Variants in TBC1D5 observed in about 807,000 individuals in gnomAD.
TBC1D5 encodes TBC1 domain family, member 5.
Under a neutral mutation model 100.3 loss-of-function variants are expected in TBC1D5, and 75 were observed. That is an observed-to-expected ratio of 0.75 (90% CI 0.62 to 0.91). The LOEUF (loss-of-function observed/expected upper bound fraction) is 0.91, where lower values mean the gene tolerates loss of function less well. Ranked by LOEUF, TBC1D5 falls within the 40% of genes least tolerant of loss-of-function variation. The pLI is 0.00. For missense variants in TBC1D5, 910 were observed against 942.4 expected, an observed-to-expected ratio of 0.97 and a Z score of 0.45; for synonymous variants, 323 against 325.6, an observed-to-expected ratio of 0.99 and a Z score of 0.09.
intron 3 of TBC1D5, among the ~76,000 whole-genome samples, chr3:17,485,838 G>A (rs956956741): frequency 7.9e-5 from 12 of 151,998 alleles, no homozygotes; most frequent in East Asian, 1.9e-4. Context: ...ATGATTTATA[G>A]TCCTTTGGGT....
At chr3:17,258,507 G>A (rs774863026) in exon 16 of TBC1D5, 13 of 1,609,814 alleles carry the variant, frequency 8.1e-6, no homozygotes, top group Middle Eastern at 1.7e-4. Context: ...GGGACTTACC[G>A]GCTTTTATTC....
At chr3:17,572,304 T>TAAA (rs1018210266) in intron 2 of TBC1D5, among the ~76,000 whole-genome samples, 1 of 142,794 alleles carries the variant, frequency 7.0e-6, no homozygotes, top group African/African-American at 2.6e-5. Flanking sequence ...CATTCTCAGT[T>TAAA]AAAAAAAAAA....
intron 3 of TBC1D5, among the ~76,000 whole-genome samples, chr3:17,496,942 G>A (rs2095714765): frequency 6.6e-6 from 1 of 152,016 alleles, no homozygotes; most frequent in Non-Finnish European, 1.5e-5. Flanking sequence ...GTCCCATCCT[G>A]TGTCATTCCC....
intron 1 of TBC1D5, among the ~76,000 whole-genome samples, chr3:17,638,878 A>G (rs553077849): frequency 2.6e-5 from 4 of 152,284 alleles, no homozygotes; most frequent in African/African-American, 9.6e-5. Flanking sequence ...AATACTGACA[A>G]GGATGTAAAA....
intron 3 of TBC1D5, among the ~76,000 whole-genome samples, chr3:17,506,780 A>C (rs2095848795): frequency 6.6e-6 from 1 of 152,116 alleles, no homozygotes; most frequent in African/African-American, 2.4e-5. Flanking sequence ...AAAAAAAAAA[A>C]CCTCAGTATT....
At chr3:17,693,870 A>T (rs984676773) in intron 1 of TBC1D5, among the ~76,000 whole-genome samples, 1 of 152,126 alleles carries the variant, frequency 6.6e-6, no homozygotes, top group Non-Finnish European at 1.5e-5. Context: ...CCCCTCTGGG[A>T]CGAAGCTTCC....
Position 17,412,158 on chromosome 3 carries a change from G to T in TBC1D5, c.168-5632C>A, listed in dbSNP as rs535774303. Among the ~76,000 whole-genome samples, 3 of 152,092 alleles carry T rather than the reference G, an allele frequency of 2.0e-5. No individual in the cohort carries two copies. In the East Asian group the frequency reaches 5.8e-4, roughly 29 times the overall value. On this transcript the variant is annotated intron_variant, in intron 4 of 21. Coordinates refer to ENST00000253692, the Ensembl canonical transcript of TBC1D5. ...TGCAAAGCACTCTGGTAGTACAGAG[G>T]GGAAAGAAATGGTTTGATACTTCAA...
chr3:17,162,218 C>T (rs1339999601), intron 21 of TBC1D5, among the ~76,000 whole-genome samples: 1 of 152,204 alleles, frequency 6.6e-6, no homozygotes, highest in African/African-American at 2.4e-5. Flanking sequence ...TGGGTGGAGT[C>T]TCGTGCTGGG....
At position 17,603,941 on chromosome 3, in the gene TBC1D5, G is replaced by A. The variant is rs529796990; in HGVS notation, c.-36+19908C>T. Among the ~76,000 whole-genome samples the A allele has an allele frequency of 4.7e-3, 714 of 152,030 alleles. 5 individuals are homozygous for A. The highest frequency in any genetic ancestry group is 0.011 in the African/African-American group (442 of 41,470). On this transcript the variant is annotated intron_variant, in intron 2 of 21. Coordinates refer to ENST00000253692, the Ensembl canonical transcript of TBC1D5. ...ATTACAGGCGTGAGCCACCACGCCC[G>A]GCGCTATTCCTTTACTTTTCTTAAT...
At chr3:17,312,043 G>A (rs1274209496) in intron 13 of TBC1D5, among the ~76,000 whole-genome samples, 1 of 152,022 alleles carries the variant, frequency 6.6e-6, no homozygotes, top group Non-Finnish European at 1.5e-5. Context: ...CTGTGCTTGG[G>A]TACTTCTTTG....
intron 18 of TBC1D5, among the ~76,000 whole-genome samples, chr3:17,195,293 C>T (rs1433338116): frequency 6.6e-6 from 1 of 152,170 alleles, no homozygotes; most frequent in Non-Finnish European, 1.5e-5. Context: ...GTTCTCTCCT[C>T]CACCAGGACA....
chr3:17,484,478 G>A (rs2095536488), intron 3 of TBC1D5, among the ~76,000 whole-genome samples: 1 of 148,082 alleles, frequency 6.8e-6, no homozygotes, highest in African/African-American at 2.5e-5. Flanking sequence ...GTGTGTGTGT[G>A]TGTGTGTGTG....
intron 13 of TBC1D5, among the ~76,000 whole-genome samples, chr3:17,363,732 GCTGAAAGTTTTCACTATATGTA>G (rs995909596): frequency 6.6e-6 from 1 of 151,690 alleles, no homozygotes; most frequent in African/African-American, 2.4e-5. Flanking sequence ...TGTTTGAATA[GCTGAAAGTTTTCACTATATGTA>G]CTGGCCATTG....
At chr3:17,544,220 G>A (rs886655023) in intron 2 of TBC1D5, among the ~76,000 whole-genome samples, 5 of 152,096 alleles carry the variant, frequency 3.3e-5, no homozygotes, top group African/African-American at 7.2e-5. Context: ...GTGCTGAACC[G>A]GGGGCCACAC....
chr3:17,319,102 C>T (rs548003115), intron 13 of TBC1D5, among the ~76,000 whole-genome samples: 1 of 152,176 alleles, frequency 6.6e-6, no homozygotes, highest in African/African-American at 2.4e-5. Context: ...AGAACAGAAA[C>T]TCAGTGAAGT....
At position 17,698,837 on chromosome 3, in the gene TBC1D5, C is replaced by CA. The variant is rs1291632954; in HGVS notation, c.-101+40505dup. ...ATCAGAGAAATGCAAATCAAAACCA[C>CA]ATGAGATATCATCTCACACCAGTTA... On this transcript the variant is annotated intron_variant, in intron 1 of 21. Transcript: ENST00000253692. 7.4e-4 allele frequency among the ~76,000 whole-genome samples: 108 copies of CA among 145,952 alleles called. 1 individual carries two copies. Among genetic ancestry groups the CA allele is most frequent in the Admixed American group, 7.0e-3 (101 of 14,434 alleles).
chr3:17,691,545 G>A (rs567600842), intron 1 of TBC1D5, among the ~76,000 whole-genome samples: 7 of 152,276 alleles, frequency 4.6e-5, no homozygotes, highest in Non-Finnish European at 1.0e-4. Context: ...CAGGCCGGGC[G>A]CCGTGGCTCA....
At chr3:17,339,718 A>G (rs2088559728) in intron 13 of TBC1D5, among the ~76,000 whole-genome samples, 2 of 152,238 alleles carry the variant, frequency 1.3e-5, no homozygotes. Flanking sequence ...TACTGCCTAC[A>G]GTATTTTTGC....
chr3:17,552,077 T>G (rs1258978628), intron 2 of TBC1D5, among the ~76,000 whole-genome samples: 1 of 152,096 alleles, frequency 6.6e-6, no homozygotes, highest in Admixed American at 6.6e-5. Flanking sequence ...TATGTAAATT[T>G]ATTCCCTTAG....
Sources: gnomAD v4.1 joint callset for allele counts (sites outside exome capture counted in the v4.1 genomes callset) on GRCh38, gnomAD v4.1.1 for gene constraint, MANE v1.5 for transcripts, NCBI Gene and HGNC (gene_info 2026-07-23, HGNC 2026-07-21) for gene names.